CATSPER3: variants seen among roughly 807,000 people sequenced by gnomAD.
CATSPER3 encodes cation channel sperm-associated protein 3.
CATSPER3 carries 23 observed loss-of-function variants against 36.6 expected under a neutral mutation model. The ratio of observed to expected loss-of-function variants is 0.63; its 90% CI spans 0.45 to 0.89. The LOEUF (loss-of-function observed/expected upper bound fraction) is 0.89. CATSPER3 is among the 40% of genes least tolerant of loss of function. The probability of loss-of-function intolerance (pLI) is 0.00; values close to 1 mark genes in which losing one functional copy is unlikely to be tolerated. For synonymous variants in CATSPER3, 172 were observed against 184.1 expected (o/e 0.93, Z 0.53); for missense variants, 474 against 503.9 (o/e 0.94, Z 0.57).
intron 2 of CATSPER3, among the ~76,000 whole-genome samples, chr5:134,991,656 T>TA (rs1168547232): frequency 6.6e-6 from 1 of 152,008 alleles, no homozygotes; most frequent in African/African-American, 2.4e-5. Flanking sequence ...TCAAAATGAA[T>TA]CAACAACCTA....
intron 2 of CATSPER3, among the ~76,000 whole-genome samples, chr5:134,975,861 T>C (rs565421358): frequency 9.8e-5 from 15 of 152,294 alleles, no homozygotes; most frequent in East Asian, 5.8e-4. Flanking sequence ...AGCCAAGATA[T>C]GGAATCAACC....
intron 7 of CATSPER3, among the ~76,000 whole-genome samples, chr5:135,010,967 A>G (rs1163761496): frequency 6.6e-6 from 1 of 152,150 alleles, no homozygotes; most frequent in African/African-American, 2.4e-5. Context: ...TGAAAACAGT[A>G]TATGTGAAGC....
intron 2 of CATSPER3, among the ~76,000 whole-genome samples, chr5:134,972,306 A>G (rs1751617731): frequency 6.6e-6 from 1 of 152,208 alleles, no homozygotes; most frequent in Non-Finnish European, 1.5e-5. Flanking sequence ...TCTGTTCCCA[A>G]GCATTTCAGA....
chr5:134,971,228 C>T lies in CATSPER3; in HGVS notation c.252+1136C>T, dbSNP rs79121354. 3.4e-3 allele frequency among the ~76,000 whole-genome samples: 515 copies of T among 152,120 alleles called. 7 individuals are homozygous for T. In the East Asian group the frequency reaches 0.037, roughly 11 times the overall value. On this transcript the variant is annotated intron_variant, in intron 2 of 7. Transcript: ENST00000282611. ...CCTCCCAGAGTGCAGGTATTACAGA[C>T]GTTAGCCACTGTGCCCGGCCCCTCC...
intron 2 of CATSPER3, among the ~76,000 whole-genome samples, chr5:134,970,728 T>A (rs1235151070): frequency 6.6e-6 from 1 of 150,584 alleles, no homozygotes; most frequent in East Asian, 2.0e-4. Flanking sequence ...CACACCATCA[T>A]GCTTGGGTAA....
At chr5:135,000,554 G>GT (rs1752007967) in intron 3 of CATSPER3, among the ~76,000 whole-genome samples, 2 of 151,552 alleles carry the variant, frequency 1.3e-5, no homozygotes, top group African/African-American at 4.9e-5. Context: ...TGGTCCTGGA[G>GT]TTTTTTTGGT....
At chr5:134,977,015 C>T (rs777380552) in intron 2 of CATSPER3, among the ~76,000 whole-genome samples, 1 of 152,240 alleles carries the variant, frequency 6.6e-6, no homozygotes, top group South Asian at 2.1e-4. Flanking sequence ...ATTCAGTCCT[C>T]TTAGGCCCCT....
intron 3 of CATSPER3, among the ~76,000 whole-genome samples, chr5:134,999,124 C>CT (rs1450882141): frequency 9.7e-4 from 148 of 152,176 alleles, no homozygotes; most frequent in African/African-American, 3.1e-3. Context: ...TTTCAGCTTT[C>CT]TACATATGGC....
intron 1 of CATSPER3, chr5:134,969,737 T>C: frequency 1.7e-6 from 1 of 599,534 alleles, no homozygotes; most frequent in East Asian, 3.1e-5. Flanking sequence ...GCTAAGTAAC[T>C]GAGTGAGGAC....
chr5:134,970,829 C>T (rs1751596239), intron 2 of CATSPER3, among the ~76,000 whole-genome samples: 6 of 152,118 alleles, frequency 3.9e-5, no homozygotes. Context: ...GCGTCGGGCT[C>T]CCAAAGTGCT....
chr5:134,994,031 A>C (rs1561461710), intron 2 of CATSPER3, among the ~76,000 whole-genome samples: 1 of 152,196 alleles, frequency 6.6e-6, no homozygotes, highest in Non-Finnish European at 1.5e-5. Context: ...AAGCTGAGGC[A>C]GGAGAGTTGC....
chr5:134,980,835 C>T (rs2149547180), intron 2 of CATSPER3, among the ~76,000 whole-genome samples: 1 of 152,174 alleles, frequency 6.6e-6, no homozygotes, highest in South Asian at 2.1e-4. Flanking sequence ...CAAAAGATCC[C>T]CACATATCAG....
chr5:134,996,492 G>A lies in CATSPER3; in HGVS notation c.472G>A (p.Gly158Ser), dbSNP rs756823005. 54 of 1,614,096 alleles carry A rather than the reference G, an allele frequency of 3.3e-5. No homozygotes were observed. The highest frequency in any genetic ancestry group is 1.7e-4 in the Middle Eastern group (1 of 6,052). Reference sequence around the variant, plus strand: ...GTCCCTGCGCATCCTCAAGCTTATCGGCTATAGCCAGGGCATCCGGGTGAG... The same window carrying A: ...GTCCCTGCGCATCCTCAAGCTTATCAGCTATAGCCAGGGCATCCGGGTGAG... ...MQSLRILKLI[G>S]YSQGIRTLIT... The change falls in exon 3 of 8, where the codon GGC becomes AGC. Residue 158 changes from glycine to serine, a missense_variant. Coordinates refer to ENST00000282611, the MANE Select transcript of CATSPER3 (RefSeq NM_178019.3).
intron 2 of CATSPER3, among the ~76,000 whole-genome samples, chr5:134,993,963 A>G (rs868060788): frequency 1.3e-5 from 2 of 152,118 alleles, no homozygotes; most frequent in African/African-American, 2.4e-5. Flanking sequence ...CATCTCTACT[A>G]AAAATACAAA....
intron 2 of CATSPER3, among the ~76,000 whole-genome samples, chr5:134,985,745 TAA>T (rs879499616): frequency 1.4e-5 from 2 of 142,084 alleles, no homozygotes; most frequent in Admixed American, 7.1e-5. Flanking sequence ...CCCCATCTAT[TAA>T]AAAAAAAAAA....
chr5:135,008,032 A>G lies in CATSPER3; in HGVS notation c.568A>G (p.Ile190Val), dbSNP rs764476209. Residue 190 changes from isoleucine to valine, a missense_variant, in exon 4 of 8, where the codon ATC becomes GTC. Coordinates refer to ENST00000282611, the MANE Select transcript of CATSPER3 (RefSeq NM_178019.3). ...CCTCCTGCTCTTCCTCCTCATGTAC[A>G]TCTTCGCTATCTTGGGCTTCTGCCT... ...VLLLLFLLMY[I>V]FAILGFCLFG... 8 of 1,613,896 alleles carry G rather than the reference A, an allele frequency of 5.0e-6. No individual in the cohort carries two copies. Among genetic ancestry groups the G allele is most frequent in the African/African-American group, 2.7e-5 (2 of 74,868 alleles).
At chr5:134,987,192 A>G (rs528200550) in intron 2 of CATSPER3, among the ~76,000 whole-genome samples, 115 of 152,232 alleles carry the variant, frequency 7.6e-4, no homozygotes, top group Non-Finnish European at 1.3e-3. Flanking sequence ...CTGATCTTAT[A>G]GAAGCAAAAA....
intron 2 of CATSPER3, among the ~76,000 whole-genome samples, chr5:134,974,981 A>G (rs1751650692): frequency 6.6e-6 from 1 of 151,964 alleles, no homozygotes; most frequent in African/African-American, 2.4e-5. Flanking sequence ...AGCCTAGGGG[A>G]TGTTCTGTGA....
At chr5:134,998,583 TG>T (rs1324698493) in intron 3 of CATSPER3, among the ~76,000 whole-genome samples, 2 of 152,244 alleles carry the variant, frequency 1.3e-5, no homozygotes, top group Non-Finnish European at 1.5e-5. Context: ...CAGCACCTGT[TG>T]TTTCCTGACT....
Sources: gnomAD v4.1 joint callset for allele counts (sites outside exome capture counted in the v4.1 genomes callset) on GRCh38, gnomAD v4.1.1 for gene constraint, MANE v1.5 for transcripts, NCBI Gene and HGNC (gene_info 2026-07-23, HGNC 2026-07-21) for gene names.